Variants in JOSD2 observed in about 807,000 individuals in gnomAD.
JOSD2 encodes Josephin domain containing 2.
A neutral mutation model predicts 19.3 loss-of-function variants in JOSD2; 20 were observed. The observed-to-expected ratio is 1.04, with a 90% CI of 0.73 to 1.51. JOSD2 has a LOEUF of 1.51. Ranked by LOEUF, JOSD2 falls within the 40% of genes most tolerant of loss-of-function variation. The pLI, the probability that JOSD2 is intolerant of heterozygous loss-of-function variation, is 0.00. For synonymous variants in JOSD2, 118 were observed against 123.7 expected (o/e 0.95, Z 0.31); for missense variants, 215 against 250.4 (o/e 0.86, Z 0.95).
chr19:50,506,820 C>A (rs2122704573), intron 3 of JOSD2, among the ~76,000 whole-genome samples: 1 of 140,814 alleles, frequency 7.1e-6, no homozygotes, highest in Middle Eastern at 3.6e-3. Flanking sequence ...CACCCACCGT[C>A]CACCCAACTC....
At chr19:50,509,699 C>G (rs555551165) in intron 2 of JOSD2, among the ~76,000 whole-genome samples, 1 of 152,154 alleles carries the variant, frequency 6.6e-6, no homozygotes, top group South Asian at 2.1e-4. Context: ...ACTGGGGAGG[C>G]TGAGGTGGGA....
At chr19:50,508,932 A>C (rs1979556234) in intron 2 of JOSD2, among the ~76,000 whole-genome samples, 1 of 151,932 alleles carries the variant, frequency 6.6e-6, no homozygotes, top group Non-Finnish European at 1.5e-5. Flanking sequence ...AGCAAGAGGC[A>C]GGGGAGGCAG....
chr19:50,506,435 T>C lies in JOSD2; in HGVS notation c.410A>G (p.Tyr137Cys). The stretch of plus-strand genomic sequence containing the variant: ...CGCCCGCAGCTTGGAGTCCAGGTTG[T>C]AGTAGACACCGTCCACCTGGCGCAG... ...VALRQVDGVYYNLDSKLRAPE... is the reference protein window; with the variant it reads ...VALRQVDGVYCNLDSKLRAPE... Residue 137 changes from tyrosine to cysteine, a missense_variant, in exon 4 of 5, where the codon TAC (tyrosine) becomes TGC (cysteine). Tyr to Cys is a radical substitution (Grantham distance 194). Coordinates refer to ENST00000598418, the MANE Select transcript of JOSD2 (RefSeq NM_001270639.2). 2.5e-6 allele frequency: 4 copies of C among 1,602,724 alleles called. No individual in the cohort carries two copies. Among genetic ancestry groups the C allele is most frequent in the East Asian group, 4.5e-5 (2 of 44,306 alleles).
intron 2 of JOSD2, among the ~76,000 whole-genome samples, chr19:50,508,902 G>A (rs951109127): frequency 7.9e-5 from 12 of 151,992 alleles, no homozygotes; most frequent in African/African-American, 2.9e-4. Flanking sequence ...TAAGATGTCC[G>A]AGAGCCGGAG....
At chr19:50,508,162 C>T in intron 2 of JOSD2, 1 of 205,024 alleles carries the variant, frequency 4.9e-6, no homozygotes, top group South Asian at 7.5e-5. Flanking sequence ...TCTCCCATGG[C>T]TCCCCAATGC....
chr19:50,507,769 A>G (rs1601349080), intron 2 of JOSD2, 70 bp from the exon 3 acceptor site: 1 of 1,547,410 alleles, frequency 6.5e-7, no homozygotes, highest in Non-Finnish European at 8.7e-7. Context: ...TGGGGGTCCC[A>G]GGGGCCACAA....
At position 50,507,586 on chromosome 19, in the gene JOSD2, C is replaced by T. The variant is rs1350803875; in HGVS notation, c.260G>A (p.Trp87Ter). The T allele has an allele frequency of 2.5e-6, 4 of 1,606,086 alleles. No individual in the cohort carries two copies. Among genetic ancestry groups the T allele is most frequent in the African/African-American group, 1.3e-5 (1 of 75,034 alleles). ...LQGLGLAAVW[W>*]DRRRPLSQLA... Reference sequence around the variant, plus strand: ...CTCTGGGGCCTACCTCCTCCTGTCCCACCACACGGCGGCCAGGCCCAGCCC... The same window carrying T: ...CTCTGGGGCCTACCTCCTCCTGTCCTACCACACGGCGGCCAGGCCCAGCCC... The change falls in exon 3 of 5, where the codon TGG becomes TAG. Residue 87 changes from tryptophan to a stop codon, truncating the protein, a stop_gained. Transcript: ENST00000598418. LOFTEE classifies it high-confidence loss of function.
At position 50,506,498 on chromosome 19, in the gene JOSD2, A is replaced by C. The variant is rs1221887962; in HGVS notation, c.347T>G (p.Leu116Arg). ...LNLPSPVSLG[L>R]LSLPLRRRHW... ...CCGCCGGCGCAGCGGCAGTGACAGCAGCCCCAGCGACACGGGCGAGGGCAG... is the reference window on the plus strand; with the variant it reads ...CCGCCGGCGCAGCGGCAGTGACAGCCGCCCCAGCGACACGGGCGAGGGCAG... Residue 116 changes from leucine (L) to arginine (R), a missense_variant, in exon 4 of 5, where the codon CTG becomes CGG. By Grantham distance (102) the Leu-to-Arg change is moderately radical (BLOSUM62 -2). Transcript: ENST00000598418. The C allele has an allele frequency of 6.4e-7, 1 of 1,561,576 alleles. No individual in the cohort carries two copies.
At position 50,506,494 on chromosome 19, in the gene JOSD2, CA is replaced by C; in HGVS notation, c.350del (p.Leu117ArgfsTer57). The C allele has an allele frequency of 6.4e-7, 1 of 1,562,386 alleles. No homozygotes were observed. Among genetic ancestry groups the C allele is most frequent in the Non-Finnish European group, 8.7e-7 (1 of 1,154,376 alleles). ...NLPSPVSLGL[L>X]SLPLRRRHWV... ...AGTGCCGCCGGCGCAGCGGCAGTGA[CA>C]GCAGCCCCAGCGACACGGGCGAGGG... On this transcript the variant is annotated frameshift_variant, in exon 4 of 5. Transcript: ENST00000598418. LOFTEE classifies it high-confidence loss of function.
intron 3 of JOSD2, 35 bp downstream of exon 3, chr19:50,507,539 C>A: frequency 1.9e-6 from 3 of 1,581,258 alleles, no homozygotes; most frequent in South Asian, 1.1e-5. Context: ...CCTCTGTGCC[C>A]GGCCCAGCAC....
chr19:50,507,150 C>T (rs1409151359), intron 3 of JOSD2, among the ~76,000 whole-genome samples: 1 of 132,332 alleles, frequency 7.6e-6, no homozygotes, highest in African/African-American at 3.2e-5. Flanking sequence ...CAGCCATTCA[C>T]CCAACAGTGG....
rs186398929 is a variant in JOSD2 at position 50,508,126 on chromosome 19, G to A, written c.147-427C>T. 17 of 249,910 alleles carry A rather than the reference G, an allele frequency of 6.8e-5. No individual in the cohort carries two copies. The East Asian group carries it at 9.6e-4, about 14-fold the overall frequency. 15.5% of individuals were successfully genotyped at this position (249,910 alleles called of 1,614,324 possible). ...GCCTCCCTCCAGTCCATTCCCACAC[G>A]GCCCTGGCCCTCTCCTGCTCTCAGC... On this transcript the variant is annotated intron_variant, in intron 2 of 4. Transcript: ENST00000598418.
At chr19:50,508,920 G>A (rs1289128674) in intron 2 of JOSD2, among the ~76,000 whole-genome samples, 1 of 151,980 alleles carries the variant, frequency 6.6e-6, no homozygotes, top group Non-Finnish European at 1.5e-5. Context: ...GAGGAGGCTT[G>A]GAGCAAGAGG....
Position 50,506,053 on chromosome 19 carries a change from G to C in JOSD2, c.*120C>G. ...CAGCGGCAGTGGGGAGCAGGGGTGTGGGGAGGGGGCGGGGCCTCCCCAGGG... is the reference window on the plus strand; with the variant it reads ...CAGCGGCAGTGGGGAGCAGGGGTGTCGGGAGGGGGCGGGGCCTCCCCAGGG... On this transcript the variant is annotated 3_prime_UTR_variant, in exon 5 of 5. Coordinates refer to ENST00000598418, the MANE Select transcript of JOSD2 (RefSeq NM_001270639.2). The C allele has an allele frequency of 1.1e-6, 1 of 890,898 alleles. No homozygotes were observed. Among genetic ancestry groups the C allele is most frequent in the Non-Finnish European group, 1.7e-6 (1 of 580,098 alleles). 55.2% of individuals were successfully genotyped at this position (890,898 alleles called of 1,614,324 possible).
At chr19:50,510,121 G>T (rs1979680122) in intron 2 of JOSD2, 165 bp downstream of exon 2, 1 of 699,058 alleles carries the variant, frequency 1.4e-6, no homozygotes, top group African/African-American at 1.8e-5. Context: ...GGGACAGACA[G>T]GCACAGGAGG....
chr19:50,510,460 G>T lies in JOSD2; in HGVS notation c.-17-12C>A. 1 of 1,588,050 alleles carries T rather than the reference G, an allele frequency of 6.3e-7. No individual in the cohort carries two copies. The highest frequency in any genetic ancestry group is 1.3e-5 in the African/African-American group (1 of 74,448). ...GTCCTCGGCTCCTGCTGGGGGTTGG[G>T]AGGGGGAGAAGGTCCTCAGGGGCCC... is the stretch of plus-strand genomic sequence containing the variant. On this transcript the variant is annotated splice_polypyrimidine_tract_variant and intron_variant, in intron 1 of 4. Transcript: ENST00000598418.
At chr19:50,508,698 C>CGTGTGT (rs58475114) in intron 2 of JOSD2, among the ~76,000 whole-genome samples, 2,619 of 140,878 alleles carry the variant, frequency 0.019, 35 homozygotes, top group African/African-American at 0.023. Context: ...GGAAAACGCT[C>CGTGTGT]GTGTGTGTGT....
rs542928814 is a variant in JOSD2 at position 50,509,945 on chromosome 19, C to T, written c.146+341G>A. ...GCGGGTGCCTGTAGTCCCAGCTACT[C>T]GGGAGGCTGAGGCAGGAGAATGGCA... is the stretch of plus-strand genomic sequence containing the variant. On this transcript the variant is annotated intron_variant, in intron 2 of 4. Transcript: ENST00000598418. 4.0e-3 allele frequency among the ~76,000 whole-genome samples: 595 copies of T among 148,240 alleles called. 4 individuals carry two copies. The highest frequency in any genetic ancestry group is 6.7e-3 in the Non-Finnish European group (455 of 67,454).
At chr19:50,510,659 C>G (rs1979751632) in intron 1 of JOSD2, among the ~76,000 whole-genome samples, 1 of 152,140 alleles carries the variant, frequency 6.6e-6, no homozygotes, top group African/African-American at 2.4e-5. Context: ...GCTGTCTCTT[C>G]TGCTCCCCTA....
Sources: allele counts gnomAD v4.1 joint callset (sites outside exome capture counted in the v4.1 genomes callset), GRCh38; gene constraint gnomAD v4.1.1; transcripts MANE v1.5; gene names NCBI Gene and HGNC (gene_info 2026-07-23, HGNC 2026-07-21).